NKX2-4: variants seen among roughly 807,000 people sequenced by gnomAD.
NKX2-4 encodes the protein homeobox protein Nkx-2.4.
NKX2-4 carries 6 observed loss-of-function variants against 8.6 expected under a neutral mutation model. The observed-to-expected ratio is 0.70, with a 90% CI of 0.38 to 1.38. The LOEUF is 1.38. Among genes scored for constraint, NKX2-4 ranks in the 40% most tolerant of loss-of-function variants. The pLI, the probability that NKX2-4 is intolerant of heterozygous loss-of-function variation, is 0.02. For synonymous variants in NKX2-4, 299 were observed against 272.6 expected (o/e 1.10, Z -0.95); for missense variants, 601 against 548.4 (o/e 1.10, Z -0.96).
In NKX2-4 at chr20:21,395,890, A is replaced by G. The variant is rs2039011684; in HGVS notation, c.*21T>C. ...AGACCCTTCGGGTGCACCAGGACCT[A>G]GCCCCGGGGCGCCCTCGCTGTCACC... On this transcript the variant is annotated 3_prime_UTR_variant, in exon 2 of 2. Coordinates refer to ENST00000351817, the MANE Select transcript of NKX2-4 (RefSeq NM_033176.2). The G allele has an allele frequency of 1.5e-6, 2 of 1,310,240 alleles. No individual in the cohort carries two copies. The allele number at this position is 1,310,240 out of a possible 1,614,324, so 81.2% of individuals were successfully genotyped here.
In NKX2-4 at chr20:21,397,437, G is replaced by A. The variant is rs747864895; in HGVS notation, c.-38C>T. 83 of 1,287,826 alleles carry A rather than the reference G, an allele frequency of 6.4e-5. No individual in the cohort carries two copies. Among genetic ancestry groups the A allele is most frequent in the Non-Finnish European group, 7.7e-5 (79 of 1,022,286 alleles). The allele number at this position is 1,287,826 out of a possible 1,614,324, so 79.8% of individuals were successfully genotyped here. On this transcript the variant is annotated 5_prime_UTR_variant, in exon 1 of 2. Transcript: ENST00000351817. ...AGCCAGGTAGGGGGGCCTGGGGCGCGCGCCGGCAGGACGCGGCGGCCGCTC... is the reference window on the plus strand; with the variant it reads ...AGCCAGGTAGGGGGGCCTGGGGCGCACGCCGGCAGGACGCGGCGGCCGCTC...
chr20:21,396,326 G>T lies in NKX2-4; in HGVS notation c.650C>A (p.Pro217His). Reference sequence around the variant, plus strand: ...CATGCTGGCCAGGTGCTCGCGCTCGGGCGCCGACAGGTACTTCTGCTGCTT... The same window carrying T: ...CATGCTGGCCAGGTGCTCGCGCTCGTGCGCCGACAGGTACTTCTGCTGCTT... ...RFKQQKYLSA[P>H]EREHLASMIH... Residue 217 changes from proline (P) to histidine (H), a missense_variant, in exon 2 of 2, where the codon CCC (proline) becomes CAC (histidine). Pro to His is a moderately conservative substitution (Grantham distance 77). Coordinates refer to ENST00000351817, the MANE Select transcript of NKX2-4 (RefSeq NM_033176.2). 6.2e-7 allele frequency: 1 copy of T among 1,603,608 alleles called. No homozygotes were observed. The highest frequency in any genetic ancestry group is 8.5e-7 in the Non-Finnish European group (1 of 1,176,426).
In NKX2-4 at chr20:21,396,064, C is replaced by A. The variant is rs1244804684; in HGVS notation, c.912G>T (p.Pro304=). 7.9e-7 allele frequency: 1 copy of A among 1,273,170 alleles called. No individual in the cohort carries two copies. Among genetic ancestry groups the A allele is most frequent in the South Asian group, 3.2e-5 (1 of 31,706 alleles). 78.9% of individuals were successfully genotyped at this position (1,273,170 alleles called of 1,614,324 possible). ...CCAGCTCAGGTGCTGGCGTCGGGGC[C>A]GGCGGCTGCGGACCGGCCTGGCCGG... is the stretch of plus-strand genomic sequence containing the variant. ...PTPGQAGPQP[P]APTPAPELEE... is the part of the protein sequence containing the mutation. The change falls in exon 2 of 2, where the codon CCG becomes CCT. Residue 304 remains proline (P), a synonymous_variant. Coordinates refer to ENST00000351817, the MANE Select transcript of NKX2-4 (RefSeq NM_033176.2).
Position 21,397,170 on chromosome 20 carries a change from G to T in NKX2-4, c.230C>A (p.Ala77Glu). 1 of 1,262,794 alleles carries T rather than the reference G, an allele frequency of 7.9e-7. No homozygotes were observed. Among genetic ancestry groups the T allele is most frequent in the Non-Finnish European group, 9.9e-7 (1 of 1,010,240 alleles). The allele number at this position is 1,262,794 out of a possible 1,614,324, so 78.2% of individuals were successfully genotyped here. A position where few individuals can be genotyped will look rare whatever the true frequency, so the allele number is the denominator to read the frequency against. The change falls in exon 1 of 2, where the codon GCG becomes GAG. Residue 77 changes from alanine (A) to glutamate (E), a missense_variant. Physicochemically the swap from Ala to Glu is moderately radical, Grantham distance 107. Coordinates refer to ENST00000351817, the MANE Select transcript of NKX2-4 (RefSeq NM_033176.2). ...AGCTGCTGCCGCCGCCGCCGCGGCC[G>T]CCGCGTTGTGACCCGCCATGGCGTG... Reference protein sequence around the residue: ...PSHAMAGHNAAAAAAAAAAAA... With the variant: ...PSHAMAGHNAEAAAAAAAAAA...
Position 21,396,085 on chromosome 20 carries a change from G to T in NKX2-4, c.891C>A (p.Gly297=). Residue 297 remains glycine (G), a synonymous_variant, in exon 2 of 2, where the codon GGC becomes GGA. Transcript: ENST00000351817. ...GGGCCGGCGGCTGCGGACCGGCCTGGCCGGGGGTGGGCGTGCTGGCGCCGT... is the reference window on the plus strand; with the variant it reads ...GGGCCGGCGGCTGCGGACCGGCCTGTCCGGGGGTGGGCGTGCTGGCGCCGT... ...CQNGASTPTP[G]QAGPQPPAPT... The T allele has an allele frequency of 7.4e-7, 1 of 1,344,008 alleles. No homozygotes were observed. Among genetic ancestry groups the T allele is most frequent in the Non-Finnish European group, 9.5e-7 (1 of 1,054,830 alleles). The allele number at this position is 1,344,008 out of a possible 1,614,324, so 83.3% of individuals were successfully genotyped here. A position where few individuals can be genotyped will look rare whatever the true frequency, so the allele number is the denominator to read the frequency against.
In NKX2-4 at chr20:21,396,087, CGGGGGT is replaced by C; in HGVS notation, c.883_888del (p.Thr295_Pro296del). 1 of 1,345,402 alleles carries C rather than the reference CGGGGGT, an allele frequency of 7.4e-7. No homozygotes were observed. The highest frequency in any genetic ancestry group is 9.5e-7 in the Non-Finnish European group (1 of 1,055,524). The allele number at this position is 1,345,402 out of a possible 1,614,324, so 83.3% of individuals were successfully genotyped here. On this transcript the variant is annotated inframe_deletion, in exon 2 of 2. Coordinates refer to ENST00000351817, the MANE Select transcript of NKX2-4 (RefSeq NM_033176.2). ...GCCGGCGGCTGCGGACCGGCCTGGC[CGGGGGT>C]GGGCGTGCTGGCGCCGTTCTGGCAC... is the stretch of plus-strand genomic sequence containing the variant.
At position 21,397,458 on chromosome 20, in the gene NKX2-4, C is replaced by G; in HGVS notation, c.-59G>C. 8.1e-7 allele frequency: 1 copy of G among 1,240,532 alleles called. No homozygotes were observed. The highest frequency in any genetic ancestry group is 1.0e-6 in the Non-Finnish European group (1 of 995,906). 76.8% of individuals were successfully genotyped at this position (1,240,532 alleles called of 1,614,324 possible). A position where few individuals can be genotyped will look rare whatever the true frequency, so the allele number is the denominator to read the frequency against. On this transcript the variant is annotated 5_prime_UTR_variant, in exon 1 of 2. Transcript: ENST00000351817. The stretch of plus-strand genomic sequence containing the variant: ...GCGCGCGCCGGCAGGACGCGGCGGC[C>G]GCTCGTCGCCGCCACCTCGGCCGCG...
chr20:21,396,642 G>T lies in NKX2-4; in HGVS notation c.443-109C>A, dbSNP rs902859213. ...GCCGCGACGCCGCCGGGCCCTCGCT[G>T]AATCCCAAGACCCCCTGACCGCCGC... On this transcript the variant is annotated intron_variant, in intron 1 of 1. Transcript: ENST00000351817. 7.4e-6 allele frequency: 7 copies of T among 939,658 alleles called. No individual in the cohort carries two copies. The African/African-American group carries it at 1.2e-4, about 17-fold the overall frequency. The allele number at this position is 939,658 out of a possible 1,614,324, so 58.2% of individuals were successfully genotyped here.
chr20:21,397,225 C>G lies in NKX2-4; in HGVS notation c.175G>C (p.Ala59Pro). Residue 59 changes from alanine (A) to proline (P), a missense_variant, in exon 1 of 2, where the codon GCG becomes CCG. Transcript: ENST00000351817. ...RAPPPGPSSQ[A>P]ATVAGMQPSH... ...GGCTGCATGCCCGCCACGGTCGCCG[C>G]CTGCGAGGAGGGCCCAGGTGGCGGC... 8.1e-7 allele frequency: 1 copy of G among 1,239,556 alleles called. No homozygotes were observed. The highest frequency in any genetic ancestry group is 1.0e-6 in the Non-Finnish European group (1 of 996,846). 76.8% of individuals were successfully genotyped at this position (1,239,556 alleles called of 1,614,324 possible).
In NKX2-4 at chr20:21,397,140, G is replaced by A; in HGVS notation, c.260C>T (p.Ala87Val). 2 of 1,274,840 alleles carry A rather than the reference G, an allele frequency of 1.6e-6. No individual in the cohort carries two copies. The highest frequency in any genetic ancestry group is 2.0e-6 in the Non-Finnish European group (2 of 1,017,288). 79.0% of individuals were successfully genotyped at this position (1,274,840 alleles called of 1,614,324 possible). The change falls in exon 1 of 2, where the codon GCG becomes GTG. Residue 87 changes from alanine (A) to valine (V), a missense_variant. Physicochemically the swap from Ala to Val is moderately conservative, Grantham distance 64. Transcript: ENST00000351817. ...CATGTGGTAGGTGGCGGCCGCCGCC[G>A]CCGCAGCTGCTGCCGCCGCCGCCGC... ...AAAAAAAAAA[A>V]AAAATYHMPP...
chr20:21,397,042 C>T lies in NKX2-4; in HGVS notation c.358G>A (p.Glu120Lys). Reference protein sequence around the residue: ...YCNGGLGNMGELPAYTDGMRG... With the variant: ...YCNGGLGNMGKLPAYTDGMRG... ...ATGCCGTCCGTGTAGGCGGGCAGCT[C>T]GCCCATGTTGCCCAGGCCGCCGTTG... Residue 120 changes from glutamate (E) to lysine (K), a missense_variant, in exon 1 of 2, where the codon GAG becomes AAG. Physicochemically the swap from Glu to Lys is moderately conservative, Grantham distance 56. Transcript: ENST00000351817. 1 of 1,447,536 alleles carries T rather than the reference C, an allele frequency of 6.9e-7. No homozygotes were observed. The highest frequency in any genetic ancestry group is 1.3e-5 in the South Asian group (1 of 74,896). The allele number at this position is 1,447,536 out of a possible 1,614,324, so 89.7% of individuals were successfully genotyped here.
chr20:21,396,866 C>A, intron 1 of NKX2-4, 92 bp downstream of exon 1: 1 of 1,151,296 alleles, frequency 8.7e-7, no homozygotes, highest in Non-Finnish European at 1.1e-6. Context: ...ACCTCCTAAG[C>A]CGCGCGCACC....
In NKX2-4 at chr20:21,395,866, G is replaced by C; in HGVS notation, c.*45C>G. ...CCATCCGTTCTAGCAGTTTCTTGCA[G>C]ACCCTTCGGGTGCACCAGGACCTAG... On this transcript the variant is annotated 3_prime_UTR_variant, in exon 2 of 2. Transcript: ENST00000351817. 1 of 1,290,308 alleles carries C rather than the reference G, an allele frequency of 7.8e-7. No individual in the cohort carries two copies. The highest frequency in any genetic ancestry group is 9.8e-7 in the Non-Finnish European group (1 of 1,015,362). 79.9% of individuals were successfully genotyped at this position (1,290,308 alleles called of 1,614,324 possible).
rs759442145 is a variant in NKX2-4, at chr20:21,396,509, G to A, written c.467C>T (p.Ala156Val). The change falls in exon 2 of 2, where the codon GCG becomes GTG. Residue 156 changes from alanine to valine, a missense_variant. By Grantham distance (64) the Ala-to-Val change is moderately conservative. Coordinates refer to ENST00000351817, the MANE Select transcript of NKX2-4 (RefSeq NM_033176.2). ...CCCCATGCCGGCCACATTCACGCCC[G>A]CCGACGGCCCCATGAACCTGGAGAC... ...SSISRFMGPS[A>V]GVNVAGMGSL... is the part of the protein sequence containing the mutation. The A allele has an allele frequency of 1.0e-5, 15 of 1,437,132 alleles. No individual in the cohort carries two copies. Among genetic ancestry groups the A allele is most frequent in the Non-Finnish European group, 1.3e-5 (14 of 1,110,624 alleles). 89.0% of individuals were successfully genotyped at this position (1,437,132 alleles called of 1,614,324 possible).
In NKX2-4 at chr20:21,396,870, G is replaced by A. The variant is rs570249691; in HGVS notation, c.442+88C>T. The A allele has an allele frequency of 2.4e-4, 278 of 1,165,644 alleles. No homozygotes were observed. The African/African-American group carries it at 4.2e-3, about 17-fold the overall frequency. 72.2% of individuals were successfully genotyped at this position (1,165,644 alleles called of 1,614,324 possible). ...TCGGCCCCAGGACCTCCTAAGCCGC[G>A]CGCACCCCGTCCCGCGCCCCCGCGC... On this transcript the variant is annotated intron_variant, in intron 1 of 1. Transcript: ENST00000351817.
rs753908975 is a variant in NKX2-4 at position 21,397,056 on chromosome 20, A to G, written c.344T>C (p.Leu115Pro). ...GAMGSYCNGG[L>P]GNMGELPAYT... is the part of the protein sequence containing the mutation. ...GGCGGGCAGCTCGCCCATGTTGCCC[A>G]GGCCGCCGTTGCAGTAGCTGCCCAT... The change falls in exon 1 of 2, where the codon CTG becomes CCG. Residue 115 changes from leucine (L) to proline (P), a missense_variant. Leu to Pro is a moderately conservative substitution (Grantham distance 98). Transcript: ENST00000351817. 8.2e-5 allele frequency: 118 copies of G among 1,436,730 alleles called. No individual in the cohort carries two copies. Among genetic ancestry groups the G allele is most frequent in the Non-Finnish European group, 1.1e-4 (116 of 1,094,178 alleles). 89.0% of individuals were successfully genotyped at this position (1,436,730 alleles called of 1,614,324 possible).
Position 21,396,945 on chromosome 20 carries a change from T to C in NKX2-4, c.442+13A>G, listed in dbSNP as rs1351082309. 7.0e-7 allele frequency: 1 copy of C among 1,424,528 alleles called. No homozygotes were observed. Among genetic ancestry groups the C allele is most frequent in the South Asian group, 1.4e-5 (1 of 71,512 alleles). 88.2% of individuals were successfully genotyped at this position (1,424,528 alleles called of 1,614,324 possible). A position where few individuals can be genotyped will look rare whatever the true frequency, so the allele number is the denominator to read the frequency against. On this transcript the variant is annotated intron_variant, in intron 1 of 1. Transcript: ENST00000351817. ...TGAGCCGCCCGCAGCCCCGCGCTCC[T>C]GGCCCCTCTCACTTGACGAGTAGCG...
rs1357368430 is a variant in NKX2-4, at chr20:21,396,194, C to T, written c.782G>A (p.Gly261Asp). 2 of 1,541,902 alleles carry T rather than the reference C, an allele frequency of 1.3e-6. No individual in the cohort carries two copies. The highest frequency in any genetic ancestry group is 1.2e-5 in the South Asian group (1 of 83,056). Reference sequence around the variant, plus strand: ...CGGCGGAGGCGGCGGCGGGCCCAGGCCGCCCTCCTGCTGCAGCTGCTGCGC... The same window carrying T: ...CGGCGGAGGCGGCGGCGGGCCCAGGTCGCCCTCCTGCTGCAGCTGCTGCGC... ...KAAQQLQQEG[G>D]LGPPPPPPPS... The change falls in exon 2 of 2, where the codon GGC (glycine) becomes GAC (aspartate). Residue 261 changes from glycine to aspartate, a missense_variant. Physicochemically the swap from Gly to Asp is moderately conservative, Grantham distance 94. Coordinates refer to ENST00000351817, the MANE Select transcript of NKX2-4 (RefSeq NM_033176.2).
Position 21,395,775 on chromosome 20 carries a change from C to G in NKX2-4, c.*136G>C, listed in dbSNP as rs2039010337. The G allele has an allele frequency of 4.2e-6, 3 of 717,092 alleles. No individual in the cohort carries two copies. The highest frequency in any genetic ancestry group is 6.9e-5 in the Admixed American group (2 of 29,162). 44.4% of individuals were successfully genotyped at this position (717,092 alleles called of 1,614,324 possible). A position where few individuals can be genotyped will look rare whatever the true frequency, so the allele number is the denominator to read the frequency against. On this transcript the variant is annotated 3_prime_UTR_variant, in exon 2 of 2. Transcript: ENST00000351817. ...CCCAGCAAGAGGTTCACAGCCTGCT[C>G]CTCTCTGAGACCGGTTCGTTTTGAA... is the stretch of plus-strand genomic sequence containing the variant.
Sources: gnomAD v4.1 joint callset for allele counts on GRCh38, gnomAD v4.1.1 for gene constraint, MANE v1.5 for transcripts, NCBI Gene and HGNC (gene_info 2026-07-23, HGNC 2026-07-21) for gene names.